The following GADL1 variants were observed in gnomAD, a reference collection of about 807,000 sequenced individuals.
GADL1 encodes GAD like acidic amino acid decarboxylase 1.
A neutral mutation model predicts 69.5 loss-of-function variants in GADL1; 71 were observed. The observed-to-expected ratio is 1.02, with a 90% CI of 0.84 to 1.25. The LOEUF is 1.25. Among genes scored for constraint, GADL1 ranks in the 50% most tolerant of loss-of-function variants. The pLI, the probability that GADL1 is intolerant of heterozygous loss-of-function variation, is 0.00. For synonymous variants in GADL1, 254 were observed against 214.4 expected, an observed-to-expected ratio of 1.18 and a Z score of -1.62; for missense variants, 737 against 631.8, an observed-to-expected ratio of 1.17 and a Z score of -1.79.
intron 14 of GADL1, among the ~76,000 whole-genome samples, chr3:30,745,751 G>GAAGT (rs1559485211): frequency 6.8e-6 from 1 of 146,780 alleles, no homozygotes; most frequent in African/African-American, 2.5e-5. Context: ...TGAGATACCT[G>GAAGT]AACTTTTTCT....
chr3:30,866,566 G>C (rs1698405625), intron 1 of GADL1, among the ~76,000 whole-genome samples: 1 of 151,970 alleles, frequency 6.6e-6, no homozygotes, highest in African/African-American at 2.4e-5. Flanking sequence ...AAATGACCAG[G>C]GTAATAAACT....
intron 11 of GADL1, among the ~76,000 whole-genome samples, chr3:30,807,704 T>C (rs4955336): frequency 0.54 from 81,751 of 152,042 alleles, 25,329 homozygotes; most frequent in African/African-American, 0.85. Context: ...GTAGTTGGTG[T>C]GGGGGATGGA....
chr3:30,821,004 G>A (rs984058897), intron 11 of GADL1, among the ~76,000 whole-genome samples: 2 of 152,028 alleles, frequency 1.3e-5, no homozygotes, highest in Non-Finnish European at 2.9e-5. Flanking sequence ...AAAAAATGAT[G>A]AGTTCATGTC....
intron 1 of GADL1, among the ~76,000 whole-genome samples, chr3:30,873,209 T>C (rs1207167070): frequency 6.6e-6 from 1 of 151,970 alleles, no homozygotes; most frequent in Non-Finnish European, 1.5e-5. Flanking sequence ...ACTTATAAAA[T>C]AATAATGGTT....
intron 12 of GADL1, among the ~76,000 whole-genome samples, chr3:30,792,090 T>C (rs1160191808): frequency 1.3e-5 from 2 of 151,960 alleles, no homozygotes; most frequent in African/African-American, 4.8e-5. Flanking sequence ...TCCAGCTGAG[T>C]TGAAAGTAGA....
intron 11 of GADL1, among the ~76,000 whole-genome samples, chr3:30,829,386 T>A (rs1244310843): frequency 6.6e-6 from 1 of 151,890 alleles, no homozygotes; most frequent in Non-Finnish European, 1.5e-5. Context: ...TGTCAGGGCT[T>A]TGTAGGTACA....
intron 14 of GADL1, among the ~76,000 whole-genome samples, chr3:30,730,464 C>CT (rs1197133712): frequency 1.3e-5 from 2 of 152,162 alleles, no homozygotes; most frequent in Non-Finnish European, 2.9e-5. Flanking sequence ...ACACAGGTGT[C>CT]TGAGTACTTA....
chr3:30,858,317 T>A (rs900516366), intron 2 of GADL1, among the ~76,000 whole-genome samples: 1 of 152,004 alleles, frequency 6.6e-6, no homozygotes, highest in African/African-American at 2.4e-5. Context: ...AGGAAGCCAT[T>A]AAAATGTTTA....
intron 11 of GADL1, among the ~76,000 whole-genome samples, chr3:30,814,703 T>C (rs1313575451): frequency 6.6e-6 from 1 of 152,062 alleles, no homozygotes; most frequent in Non-Finnish European, 1.5e-5. Flanking sequence ...GTTAAACATT[T>C]ATATGAAGGC....
In GADL1 at chr3:30,837,019, A is replaced by G. The variant is rs148185786; in HGVS notation, c.903+1978T>C. On this transcript the variant is annotated intron_variant, in intron 9 of 14. Coordinates refer to ENST00000282538, the MANE Select transcript of GADL1 (RefSeq NM_207359.3). Reference sequence around the variant, plus strand: ...ACTACTAATAAAAATTGACATCAAAATATCAATTTCAGAGTTAAAATTTTT... The same window carrying G: ...ACTACTAATAAAAATTGACATCAAAGTATCAATTTCAGAGTTAAAATTTTT... Among the ~76,000 whole-genome samples the G allele has an allele frequency of 1.1e-3, 161 of 152,264 alleles. 3 individuals are homozygous for G. The East Asian group carries it at 0.028, about 26-fold the overall frequency.
chr3:30,858,320 A>G (rs1698259957), intron 2 of GADL1, among the ~76,000 whole-genome samples: 1 of 152,056 alleles, frequency 6.6e-6, no homozygotes, highest in Non-Finnish European at 1.5e-5. Flanking sequence ...AAGCCATTAA[A>G]ATGTTTAGGA....
chr3:30,893,697 G>A (rs1342332105), intron 1 of GADL1, among the ~76,000 whole-genome samples: 1 of 152,086 alleles, frequency 6.6e-6, no homozygotes, highest in Non-Finnish European at 1.5e-5. Flanking sequence ...ATTAAAAGGT[G>A]AAATATTTGT....
In GADL1 at chr3:30,861,795, G is replaced by A. The variant is rs201923918; in HGVS notation, c.38-30C>T. On this transcript the variant is annotated intron_variant, in intron 1 of 14. Transcript: ENST00000282538. ...AAGCAAGCAAACAAATTGTGTTTGA[G>A]AGATAATCTAATTACACCACATAAC... 6.8e-4 allele frequency: 1,009 copies of A among 1,474,076 alleles called. 10 individuals carry two copies. In the South Asian group the frequency reaches 0.012, roughly 17 times the overall value. 91.3% of individuals were successfully genotyped at this position (1,474,076 alleles called of 1,614,324 possible). A position where few individuals can be genotyped will look rare whatever the true frequency, so the allele number is the denominator to read the frequency against.
At chr3:30,881,927 A>G (rs1361340006) in intron 1 of GADL1, among the ~76,000 whole-genome samples, 1 of 151,924 alleles carries the variant, frequency 6.6e-6, no homozygotes, top group African/African-American at 2.4e-5. Flanking sequence ...TCTACCTTCC[A>G]TCATGGAATG....
intron 14 of GADL1, among the ~76,000 whole-genome samples, chr3:30,768,047 CT>C (rs1238186340): frequency 4.3e-5 from 6 of 140,154 alleles, no homozygotes; most frequent in African/African-American, 1.4e-4. Context: ...CCCCCCCCCC[CT>C]TATCCTTATA....
At chr3:30,863,514 A>G (rs540260648) in intron 1 of GADL1, among the ~76,000 whole-genome samples, 3 of 152,156 alleles carry the variant, frequency 2.0e-5, no homozygotes, top group African/African-American at 7.2e-5. Context: ...CTCAATCCAG[A>G]TATTCAACCA....
chr3:30,751,737 A>G (rs768818912), intron 14 of GADL1, among the ~76,000 whole-genome samples: 2 of 152,186 alleles, frequency 1.3e-5, no homozygotes, highest in South Asian at 2.1e-4. Context: ...GAGAAACTGA[A>G]CTAGATTTCT....
At chr3:30,885,826 C>T (rs1477261542) in intron 1 of GADL1, among the ~76,000 whole-genome samples, 4 of 151,830 alleles carry the variant, frequency 2.6e-5, no homozygotes, top group Admixed American at 1.3e-4. Context: ...AGGCTGGTTT[C>T]GAACTCCTGA....
rs776070474 is a variant in GADL1, at chr3:30,774,901, TAA to T, written c.1392+3276_1392+3277del. 1.8e-4 allele frequency among the ~76,000 whole-genome samples: 28 copies of T among 151,498 alleles called. No individual in the cohort carries two copies. In the Middle Eastern group the frequency reaches 0.017, roughly 92 times the overall value. On this transcript the variant is annotated intron_variant, in intron 14 of 14. Transcript: ENST00000282538. Reference sequence around the variant, plus strand: ...TGACATGAAGAAGCAGAGACGGAGGTAAAGAGGGGCTTGACGGTAAAGAAAAT... The same window carrying T: ...TGACATGAAGAAGCAGAGACGGAGGTAGAGGGGCTTGACGGTAAAGAAAAT...
Sources: gnomAD v4.1 joint callset for allele counts (sites outside exome capture counted in the v4.1 genomes callset) on GRCh38, gnomAD v4.1.1 for gene constraint, MANE v1.5 for transcripts, NCBI Gene and HGNC (gene_info 2026-07-23, HGNC 2026-07-21) for gene names.